The following KIF1B variants were observed in gnomAD, a reference collection of about 807,000 sequenced individuals.
KIF1B encodes kinesin family member 1B, also known as kinesin-like protein KIF1B.
A neutral mutation model predicts 241.9 loss-of-function variants in KIF1B; 76 were observed. The observed-to-expected ratio is 0.31, with a 90% CI of 0.26 to 0.38. The LOEUF (loss-of-function observed/expected upper bound fraction) is 0.38, where lower values mean the gene tolerates loss of function less well. Ranked by LOEUF, KIF1B falls within the 10% of genes least tolerant of loss-of-function variation. The probability of loss-of-function intolerance (pLI) is 1.00; values close to 1 mark genes in which losing one functional copy is unlikely to be tolerated. For synonymous variants in KIF1B, 750 were observed against 796.7 expected (o/e 0.94, Z 0.99); for missense variants, 1,622 against 2,271.4 (o/e 0.71, Z 5.81).
In KIF1B at chr1:10,296,584, A is replaced by G. The variant is rs1650274413; in HGVS notation, c.1780A>G (p.Ile594Val). The G allele has an allele frequency of 2.5e-6, 4 of 1,613,156 alleles. No individual in the cohort carries two copies. The highest frequency in any genetic ancestry group is 2.2e-5 in the East Asian group (1 of 44,864). The change falls in exon 20 of 49, where the codon ATC becomes GTC. Residue 594 changes from isoleucine to valine, a missense_variant and splice_region_variant. Around this residue, in one of 7 missense-constraint regions of KIF1B, gnomAD observed 44 missense variants for 28.6 expected, o/e 1.54. Transcript: ENST00000676179. ...RSERSNSGEV[I>V]VTLEPCERSE... ...TAGTTTGTGTTTGTTCCTCTTAGTT[A>G]TCGTGACCTTAGAGCCCTGTGAGCG...
At chr1:10,232,126 G>A (rs1646991340) in intron 1 of KIF1B, 124 bp from the exon 2 acceptor site, 2 of 544,952 alleles carry the variant, frequency 3.7e-6, no homozygotes, top group East Asian at 3.1e-5. Flanking sequence ...CGGGAGAAAA[G>A]GGATGAATAT....
chr1:10,248,946 T>A (rs1237055811), intron 2 of KIF1B, among the ~76,000 whole-genome samples: 1 of 152,036 alleles, frequency 6.6e-6, no homozygotes, highest in African/African-American at 2.4e-5. Flanking sequence ...AAAAGAGGCC[T>A]TGAAAAGCAG....
At chr1:10,275,003 C>T in intron 10 of KIF1B, 1 of 327,286 alleles carries the variant, frequency 3.1e-6, no homozygotes, top group Non-Finnish European at 5.9e-6. Context: ...TCATTGTTTT[C>T]TGTGTAAGAG....
At position 10,337,267 on chromosome 1, in the gene KIF1B, T is replaced by C. The variant is rs1463703559; in HGVS notation, c.3259+64T>C. On this transcript the variant is annotated intron_variant, in intron 30 of 48. Coordinates refer to ENST00000676179, the MANE Select transcript of KIF1B (RefSeq NM_001365951.3). The surrounding 1 kb of genome is among the most constrained non-coding windows in gnomAD (Gnocchi z 4.0). Reference sequence around the variant, plus strand: ...GACAAAGGGAAAATATTGACCATTATCAAGGGACATAGTGGCCTTCATCAA... The same window carrying C: ...GACAAAGGGAAAATATTGACCATTACCAAGGGACATAGTGGCCTTCATCAA... The C allele has an allele frequency of 1.2e-5, 19 of 1,613,134 alleles. No individual in the cohort carries two copies. Among genetic ancestry groups the C allele is most frequent in the Non-Finnish European group, 1.6e-5 (19 of 1,179,116 alleles).
In KIF1B at chr1:10,351,855, C is replaced by T. The variant is rs999110564; in HGVS notation, c.3950-776C>T. On this transcript the variant is annotated intron_variant, in intron 37 of 48. Transcript: ENST00000676179. The stretch of plus-strand genomic sequence containing the variant: ...GGATGTGGTGCTGCAGGCCTAAAGT[C>T]CCAGTTACTCAGGTGGCTTAGGTGG... Among the ~76,000 whole-genome samples the T allele has an allele frequency of 5.9e-5, 9 of 152,112 alleles. 1 individual carries two copies. The highest frequency in any genetic ancestry group is 1.3e-4 in the Admixed American group (2 of 15,270).
intron 32 of KIF1B, among the ~76,000 whole-genome samples, chr1:10,340,389 A>T (rs914242322): frequency 6.6e-6 from 1 of 152,206 alleles, no homozygotes; most frequent in Admixed American, 6.5e-5. Context: ...TTCAAACTCT[A>T]TTCCAAAGTC....
intron 17 of KIF1B, 26 bp from the exon 18 acceptor site, chr1:10,295,060 A>G: frequency 6.6e-7 from 1 of 1,522,988 alleles, no homozygotes; most frequent in Non-Finnish European, 9.1e-7. Context: ...CCCTGCTCCA[A>G]ATTGATCATC....
chr1:10,358,695 A>AC (rs1638327325), intron 38 of KIF1B, among the ~76,000 whole-genome samples: 1 of 152,002 alleles, frequency 6.6e-6, no homozygotes, highest in South Asian at 2.1e-4. Context: ...AAAAAAAAAA[A>AC]AAAAAACAGA....
chr1:10,285,765 C>T (rs1649658423), intron 15 of KIF1B, among the ~76,000 whole-genome samples: 1 of 152,164 alleles, frequency 6.6e-6, no homozygotes, highest in African/African-American at 2.4e-5. Context: ...CATCTTTCAT[C>T]CGTAGCGCCA....
intron 1 of KIF1B, among the ~76,000 whole-genome samples, chr1:10,219,969 G>A (rs1004385366): frequency 1.3e-5 from 2 of 152,046 alleles, no homozygotes; most frequent in Non-Finnish European, 2.9e-5. Flanking sequence ...TTGGGAGGCT[G>A]AGGCAGGCGG....
At chr1:10,291,360 C>A (rs1649987273) in intron 16 of KIF1B, among the ~76,000 whole-genome samples, 199 bp downstream of exon 16, 4 of 152,106 alleles carry the variant, frequency 2.6e-5, no homozygotes, top group African/African-American at 9.7e-5. Context: ...TAAATATTAT[C>A]TAGGGAGTCA....
intron 22 of KIF1B, chr1:10,306,257 G>A: frequency 9.6e-7 from 1 of 1,042,594 alleles, no homozygotes; most frequent in Non-Finnish European, 1.2e-6. Flanking sequence ...TTAGACATGG[G>A]TAAATGATGT....
chr1:10,334,075 C>G (rs558235409), intron 27 of KIF1B, among the ~76,000 whole-genome samples: 1 of 143,566 alleles, frequency 7.0e-6, no homozygotes, highest in Non-Finnish European at 1.5e-5. Context: ...CACTTGAACC[C>G]GGGAGCCGGA....
chr1:10,365,128 A>G lies in KIF1B; in HGVS notation c.4395A>G (p.Leu1465=). 3 of 1,614,052 alleles carry G rather than the reference A, an allele frequency of 1.9e-6. No individual in the cohort carries two copies. The highest frequency in any genetic ancestry group is 2.5e-6 in the Non-Finnish European group (3 of 1,180,002). ...TGCAGAGAAGGAGAAGAAAAATCTT[A>G]GATACGTCAGTGGCATATGTGCGGG... The part of the protein sequence containing the change: ...PGMQRRRRKI[L]DTSVAYVRGE... Residue 1465 remains leucine, a synonymous_variant, in exon 42 of 49, where the codon TTA becomes TTG. Coordinates refer to ENST00000676179, the MANE Select transcript of KIF1B (RefSeq NM_001365951.3). The surrounding 1 kb of genome is among the most constrained non-coding windows in gnomAD (Gnocchi z 4.0).
rs886989927 is a variant in KIF1B at position 10,337,603 on chromosome 1, G to A, written c.3422+70G>A. The stretch of plus-strand genomic sequence containing the variant: ...GGTGACATCTCTTGTGCACTGTAGA[G>A]TGCTTTACATGTGTGAGGGATTAAC... On this transcript the variant is annotated intron_variant, in intron 31 of 48. Transcript: ENST00000676179. The surrounding 1 kb of genome is among the most constrained non-coding windows in gnomAD (Gnocchi z 4.0). 3.2e-6 allele frequency: 5 copies of A among 1,540,900 alleles called. No individual in the cohort carries two copies. The Admixed American group carries it at 8.4e-5, about 26-fold the overall frequency.
In KIF1B at chr1:10,268,388, G is replaced by A. The variant is rs781432613; in HGVS notation, c.720+125G>A. The stretch of plus-strand genomic sequence containing the variant: ...GGGGTGCTCTTTTACTTAATGGAGG[G>A]TGTTTTATACCTCTGCTTATCATTT... On this transcript the variant is annotated intron_variant, in intron 7 of 48. Transcript: ENST00000676179. The A allele has an allele frequency of 3.5e-5, 25 of 717,490 alleles. No individual in the cohort carries two copies. In the Admixed American group the frequency reaches 4.0e-4, roughly 12 times the overall value. The allele number at this position is 717,490 out of a possible 1,614,324, so 44.4% of individuals were successfully genotyped here.
In KIF1B at chr1:10,380,316, G is replaced by A. The variant is rs1459817121; in HGVS notation, c.*3729G>A. The A allele has an allele frequency of 2.4e-5, 5 of 208,978 alleles. No homozygotes were observed. Among genetic ancestry groups the A allele is most frequent in the Admixed American group, 5.9e-5 (1 of 16,862 alleles). 12.9% of individuals were successfully genotyped at this position (208,978 alleles called of 1,614,324 possible). ...CTGCATTTCCCTCGTGCTGTGTCCC[G>A]CTCGGGTTCCAATGGACAGTATCAG... On this transcript the variant is annotated 3_prime_UTR_variant, in exon 49 of 49. Transcript: ENST00000676179.
At chr1:10,324,702 A>C in intron 25 of KIF1B, 56 bp from the exon 26 acceptor site, 1 of 1,594,064 alleles carries the variant, frequency 6.3e-7, no homozygotes, top group Non-Finnish European at 8.6e-7. Flanking sequence ...TTCCAAAGTG[A>C]AAGTTTAATG....
intron 2 of KIF1B, among the ~76,000 whole-genome samples, chr1:10,244,061 C>G: frequency 6.6e-6 from 1 of 151,890 alleles, no homozygotes; most frequent in East Asian, 1.9e-4. Context: ...ACTCTGGGAT[C>G]AAGTATACAG....
Sources: allele counts gnomAD v4.1 joint callset (sites outside exome capture counted in the v4.1 genomes callset), GRCh38; gene constraint gnomAD v4.1.1; regional missense constraint gnomAD v4.1.1; non-coding constraint Gnocchi (gnomAD v3.1); transcripts MANE v1.5; gene names NCBI Gene and HGNC (gene_info 2026-07-23, HGNC 2026-07-21).